CEP104: variants seen among roughly 807,000 people sequenced by gnomAD.
CEP104 encodes the protein centrosomal protein of 104 kDa.
Under a neutral mutation model 113.3 loss-of-function variants are expected in CEP104, and 84 were observed. The observed-to-expected ratio is 0.74, with a 90% CI of 0.62 to 0.89. The LOEUF is 0.89. Ranked by LOEUF, CEP104 falls within the 40% of genes least tolerant of loss-of-function variation. CEP104 has a pLI of 0.00. For synonymous variants in CEP104, 378 were observed against 421.7 expected, an observed-to-expected ratio of 0.90 and a Z score of 1.27; for missense variants, 1,053 against 1,156.6, an observed-to-expected ratio of 0.91 and a Z score of 1.30.
At chr1:3,840,678 A>G (rs1488869898) in intron 6 of CEP104, among the ~76,000 whole-genome samples, 1 of 152,184 alleles carries the variant, frequency 6.6e-6, no homozygotes. Context: ...AGCTGGGAGT[A>G]CAGGCGTGAG....
chr1:3,851,353 T>C (rs2124698438), intron 2 of CEP104, among the ~76,000 whole-genome samples: 1 of 152,288 alleles, frequency 6.6e-6, no homozygotes, highest in South Asian at 2.1e-4. Context: ...CATTCAATTT[T>C]CAGCAACTTG....
Position 3,847,474 on chromosome 1 carries a change from C to A in CEP104, c.426+1G>T. The A allele has an allele frequency of 3.1e-6, 5 of 1,592,922 alleles. No homozygotes were observed. The highest frequency in any genetic ancestry group is 4.3e-6 in the Non-Finnish European group (5 of 1,170,482). ...CAAAGGCGAAGCTGCATGCATCTTA[C>A]CTGATTATATATGTTGTATTTGTTG... On this transcript the variant is annotated splice_donor_variant, in intron 4 of 21. Coordinates refer to ENST00000378230, the MANE Select transcript of CEP104 (RefSeq NM_014704.4). LOFTEE classifies it high-confidence loss of function.
chr1:3,825,690 A>T (rs1364480205), intron 18 of CEP104, 68 bp downstream of exon 18: 1 of 1,009,586 alleles, frequency 9.9e-7, no homozygotes, highest in Non-Finnish European at 1.6e-6. Context: ...CAGCTTTTTG[A>T]CTCGGCCTTT....
In CEP104 at chr1:3,838,642, A is replaced by C. The variant is rs896425247; in HGVS notation, c.891+322T>G. On this transcript the variant is annotated intron_variant, in intron 8 of 21. Transcript: ENST00000378230. The stretch of plus-strand genomic sequence containing the variant: ...TTGATCCTTACAACACTGAGGGGTC[A>C]GTGGGGCAGGGTCATCACTGCCTTT... 9.8e-5 allele frequency among the ~76,000 whole-genome samples: 15 copies of C among 152,368 alleles called. No individual in the cohort carries two copies. In the East Asian group the frequency reaches 2.5e-3, roughly 25 times the overall value.
At chr1:3,854,506 T>C (rs1469431530) in intron 1 of CEP104, among the ~76,000 whole-genome samples, 1 of 152,162 alleles carries the variant, frequency 6.6e-6, no homozygotes, top group African/African-American at 2.4e-5. Context: ...TCTCAATCTA[T>C]CACCCAGGCT....
chr1:3,826,793 T>G, intron 15 of CEP104, 49 bp from the exon 16 acceptor site: 1 of 1,537,300 alleles, frequency 6.5e-7, no homozygotes, highest in Non-Finnish European at 9.0e-7. Context: ...GCAGTGTGAG[T>G]GAGTGAGAGC....
At chr1:3,837,227 C>A (rs1644330948) in intron 9 of CEP104, 65 bp downstream of exon 9, 7 of 1,354,304 alleles carry the variant, frequency 5.2e-6, no homozygotes, top group African/African-American at 2.9e-5. Flanking sequence ...CAGCACCTGG[C>A]ACAACACATG....
In CEP104 at chr1:3,829,947, C is replaced by T. The variant is rs759286034; in HGVS notation, c.1887G>A (p.Ala629=). The T allele has an allele frequency of 1.7e-5, 27 of 1,614,126 alleles. No individual in the cohort carries two copies. The highest frequency in any genetic ancestry group is 2.2e-5 in the Non-Finnish European group (26 of 1,180,026). Reference sequence around the variant, plus strand: ...TGTACATGTCCAAAATAATTCGAACCGCCGTCTCGCGGACCTCATACACTC... The same window carrying T: ...TGTACATGTCCAAAATAATTCGAACTGCCGTCTCGCGGACCTCATACACTC... ...EHRVYEVRET[A]VRIILDMYRQ... Residue 629 remains alanine, a synonymous_variant, in exon 14 of 22, where the codon GCG becomes GCA. Transcript: ENST00000378230.
rs77989248 is a variant in CEP104 at position 3,830,255 on chromosome 1, C to T, written c.1837-258G>A. Among the ~76,000 whole-genome samples, 3,615 of 152,054 alleles carry T rather than the reference C, an allele frequency of 0.024. 62 individuals are homozygous for T. Among genetic ancestry groups the T allele is most frequent in the South Asian group, 0.051 (247 of 4,800 alleles). On this transcript the variant is annotated intron_variant, in intron 13 of 21. Transcript: ENST00000378230. Reference sequence around the variant, plus strand: ...ATAGTGCAATTTCATCCCTGCTGTGCGTCTCGGGGGCCCACAGTTTCTCAT... The same window carrying T: ...ATAGTGCAATTTCATCCCTGCTGTGTGTCTCGGGGGCCCACAGTTTCTCAT...
rs1412994196 is a variant in CEP104 at position 3,814,630 on chromosome 1, C to A, written c.*772G>T. On this transcript the variant is annotated 3_prime_UTR_variant, in exon 22 of 22. Transcript: ENST00000378230. Reference sequence around the variant, plus strand: ...AAAGTGTGGAGAAAGTGAAGCGCCTCTGAGCAAAGGCACGGGAAGGGCCCA... The same window carrying A: ...AAAGTGTGGAGAAAGTGAAGCGCCTATGAGCAAAGGCACGGGAAGGGCCCA... 3 of 152,220 alleles carry A rather than the reference C, an allele frequency of 2.0e-5. No individual in the cohort carries two copies. Among genetic ancestry groups the A allele is most frequent in the African/African-American group, 7.2e-5 (3 of 41,456 alleles). 9.4% of individuals were successfully genotyped at this position (152,220 alleles called of 1,614,324 possible).
At position 3,816,390 on chromosome 1, in the gene CEP104, C is replaced by T; in HGVS notation, c.2572-20G>A. The T allele has an allele frequency of 6.5e-7, 1 of 1,543,852 alleles. No homozygotes were observed. The highest frequency in any genetic ancestry group is 2.5e-5 in the East Asian group (1 of 40,772). ...CCATGCCTGCAGCAGAGGAGGCACACAGAGTGTTAATCAGGCGAGACGGAC... is the reference window on the plus strand; with the variant it reads ...CCATGCCTGCAGCAGAGGAGGCACATAGAGTGTTAATCAGGCGAGACGGAC... On this transcript the variant is annotated intron_variant, in intron 20 of 21. Transcript: ENST00000378230.
At chr1:3,826,007 G>C (rs1179134118) in intron 17 of CEP104, 141 bp from the exon 18 acceptor site, 10 of 697,290 alleles carry the variant, frequency 1.4e-5, no homozygotes, top group Non-Finnish European at 2.5e-5. Context: ...AACTGCCTCA[G>C]TTTGCTCTGC....
chr1:3,827,795 C>T (rs1644121669), intron 15 of CEP104, among the ~76,000 whole-genome samples: 1 of 152,252 alleles, frequency 6.6e-6, no homozygotes, highest in Non-Finnish European at 1.5e-5. Flanking sequence ...CCATGGCCCC[C>T]AGCACCCCGC....
At chr1:3,826,855 G>T in intron 15 of CEP104, 111 bp from the exon 16 acceptor site, 1 of 1,132,726 alleles carries the variant, frequency 8.8e-7, no homozygotes, top group Non-Finnish European at 1.2e-6. Context: ...TTTTGTTTTA[G>T]AATTTCTACT....
At position 3,845,319 on chromosome 1, in the gene CEP104, G is replaced by T. The variant is rs1644487682; in HGVS notation, c.459C>A (p.Asp153Glu). The T allele has an allele frequency of 1.9e-6, 3 of 1,609,054 alleles. No individual in the cohort carries two copies. Among genetic ancestry groups the T allele is most frequent in the South Asian group, 1.1e-5 (1 of 90,592 alleles). The change falls in exon 5 of 22, where the codon GAC becomes GAA. Residue 153 changes from aspartate (D) to glutamate (E), a missense_variant. Coordinates refer to ENST00000378230, the MANE Select transcript of CEP104 (RefSeq NM_014704.4). ...TGCTTTCATCACTGAAATCTGCAGG[G>T]TCTCCAATGATATTTATGGCAACCA... Reference protein sequence around the residue: ...VALVAINIIGDPADFSDESNT... With the variant: ...VALVAINIIGEPADFSDESNT...
rs942646440 is a variant in CEP104, at chr1:3,819,335, C to T, written c.2572-2965G>A. 1.1e-4 allele frequency among the ~76,000 whole-genome samples: 17 copies of T among 152,028 alleles called. No individual in the cohort carries two copies. The highest frequency in any genetic ancestry group is 3.9e-4 in the African/African-American group (16 of 41,394). ...GAGAGGGGGCTGGGGAGAAAAGGGG[C>T]GGCATGTAGGCAGTGTTGTCTTTTG... On this transcript the variant is annotated intron_variant, in intron 20 of 21. Coordinates refer to ENST00000378230, the MANE Select transcript of CEP104 (RefSeq NM_014704.4). The surrounding 1 kb of genome is among the most constrained non-coding windows in gnomAD (Gnocchi z 4.6).
rs572518053 is a variant in CEP104 at position 3,853,892 on chromosome 1, C to T, written c.-14-1471G>A. On this transcript the variant is annotated intron_variant, in intron 1 of 21. Coordinates refer to ENST00000378230, the MANE Select transcript of CEP104 (RefSeq NM_014704.4). Reference sequence around the variant, plus strand: ...GAAGGATCACTTGAGCCCAGGAGTTCGAGACCAGCCTGGGTAAGAGAGTGA... The same window carrying T: ...GAAGGATCACTTGAGCCCAGGAGTTTGAGACCAGCCTGGGTAAGAGAGTGA... Among the ~76,000 whole-genome samples the T allele has an allele frequency of 9.9e-5, 15 of 152,182 alleles. No homozygotes were observed. In the South Asian group the frequency reaches 1.9e-3, roughly 19 times the overall value.
At chr1:3,839,844 GGTT>G in intron 6 of CEP104, 68 bp from the exon 7 acceptor site, 1 of 1,303,664 alleles carries the variant, frequency 7.7e-7, no homozygotes, top group Non-Finnish European at 1.1e-6. Flanking sequence ...GAAGATGCAC[GGTT>G]GAGAAGATGC....
chr1:3,823,713 G>T lies in CEP104; in HGVS notation c.2365-151C>A. 2.2e-6 allele frequency: 2 copies of T among 893,326 alleles called. No individual in the cohort carries two copies. Among genetic ancestry groups the T allele is most frequent in the Non-Finnish European group, 3.4e-6 (2 of 585,420 alleles). The allele number at this position is 893,326 out of a possible 1,614,324, so 55.3% of individuals were successfully genotyped here. On this transcript the variant is annotated intron_variant, in intron 18 of 21. Coordinates refer to ENST00000378230, the MANE Select transcript of CEP104 (RefSeq NM_014704.4). The surrounding 1 kb of genome is among the most constrained non-coding windows in gnomAD (Gnocchi z 4.1). ...CCACAGGCTTCTATCTTCGGCATTT[G>T]CCCACAGACTGTCTGGAGTCACTTG... is the stretch of plus-strand genomic sequence containing the variant.
Sources: allele counts gnomAD v4.1 joint callset (sites outside exome capture counted in the v4.1 genomes callset), GRCh38; gene constraint gnomAD v4.1.1; non-coding constraint Gnocchi (gnomAD v3.1); transcripts MANE v1.5; gene names NCBI Gene and HGNC (gene_info 2026-07-23, HGNC 2026-07-21).